Variants in MAST4 observed in about 807,000 individuals in gnomAD.
MAST4 encodes the protein microtubule associated serine/threonine kinase family member 4, also known as microtubule-associated serine/threonine-protein kinase 4.
Under a neutral mutation model 162.7 loss-of-function variants are expected in MAST4, and 89 were observed. The observed-to-expected ratio is 0.55, with a 90% CI of 0.46 to 0.65. The LOEUF is 0.65. Ranked by LOEUF, MAST4 falls within the 30% of genes least tolerant of loss-of-function variation. MAST4 has a pLI of 0.00. For synonymous variants in MAST4, 1,479 were observed against 1,361.1 expected (o/e 1.09, Z -1.91); for missense variants, 3,153 against 3,374.0 (o/e 0.93, Z 1.62).
intron 3 of MAST4, among the ~76,000 whole-genome samples, chr5:66,862,512 T>C (rs1760191957): frequency 6.6e-6 from 1 of 152,238 alleles, no homozygotes; most frequent in Non-Finnish European, 1.5e-5. Flanking sequence ...TTTGAATCGA[T>C]ATGTAATGTT....
intron 14 of MAST4, among the ~76,000 whole-genome samples, chr5:67,121,693 A>G (rs898364293): frequency 2.0e-5 from 3 of 151,424 alleles, no homozygotes; most frequent in Admixed American, 2.0e-4. Context: ...AAAAAAAATC[A>G]CAAAAAACTC....
Position 67,165,208 on chromosome 5 carries a change from A to C in MAST4, c.6029A>C (p.Asp2010Ala), listed in dbSNP as rs549978729. ...LCFPETAKTS[D>A]NSKNLLSVGR... ...TTTCCAGAAACTGCGAAAACCAGTGACAACTCCAAAAATCTCCTCTCTGTG... is the reference window on the plus strand; with the variant it reads ...TTTCCAGAAACTGCGAAAACCAGTGCCAACTCCAAAAATCTCCTCTCTGTG... Residue 2010 changes from aspartate to alanine, a missense_variant, in exon 29 of 29, where the codon GAC becomes GCC. Transcript: ENST00000403625. The C allele has an allele frequency of 1.1e-5, 18 of 1,610,932 alleles. No individual in the cohort carries two copies. The African/African-American group carries it at 2.3e-4, about 20-fold the overall frequency.
At chr5:66,776,139 G>T (rs1754590792) in intron 2 of MAST4, among the ~76,000 whole-genome samples, 1 of 152,194 alleles carries the variant, frequency 6.6e-6, no homozygotes, top group Non-Finnish European at 1.5e-5. Flanking sequence ...GGAAGTTTCT[G>T]CATAGGTTGT....
At chr5:66,619,109 C>T (rs1743909858) in intron 1 of MAST4, among the ~76,000 whole-genome samples, 2 of 152,142 alleles carry the variant, frequency 1.3e-5, no homozygotes, top group Non-Finnish European at 1.5e-5. Context: ...ACTTTTTGGT[C>T]ATTTGTTAGT....
intron 1 of MAST4, among the ~76,000 whole-genome samples, chr5:66,692,591 C>CTAGT (rs1749120869): frequency 2.0e-5 from 3 of 152,102 alleles, no homozygotes; most frequent in Non-Finnish European, 4.4e-5. Flanking sequence ...AACACTTAAG[C>CTAGT]TAGTCTGTTA....
chr5:67,130,713 AT>A (rs1452875472), intron 15 of MAST4, among the ~76,000 whole-genome samples: 15 of 152,088 alleles, frequency 9.9e-5, no homozygotes, highest in Non-Finnish European at 1.6e-4. Context: ...AGGTGATGGG[AT>A]TTTTTTCTGC....
At chr5:66,959,375 GT>G (rs1581017154) in intron 4 of MAST4, 2 of 769,828 alleles carry the variant, frequency 2.6e-6, no homozygotes, top group East Asian at 4.9e-5. Flanking sequence ...TTTAGCATTT[GT>G]TTGTACTGAC....
intron 1 of MAST4, among the ~76,000 whole-genome samples, chr5:66,642,835 T>A (rs1745576197): frequency 1.3e-5 from 2 of 152,178 alleles, no homozygotes; most frequent in South Asian, 4.1e-4. Flanking sequence ...ACACCTGGTG[T>A]TTTTCCTCTG....
At chr5:67,037,636 C>T (rs562572279) in intron 4 of MAST4, among the ~76,000 whole-genome samples, 1 of 152,214 alleles carries the variant, frequency 6.6e-6, no homozygotes, top group East Asian at 1.9e-4. Flanking sequence ...AACTCTTTCT[C>T]CTGGATGAGC....
chr5:66,998,925 G>A (rs1262372331), intron 4 of MAST4, among the ~76,000 whole-genome samples: 1 of 152,230 alleles, frequency 6.6e-6, no homozygotes, highest in Admixed American at 6.5e-5. Context: ...TCCCATGAAG[G>A]CTGCCTAAAG....
At chr5:66,899,668 C>T (rs990995899) in intron 3 of MAST4, among the ~76,000 whole-genome samples, 4 of 152,158 alleles carry the variant, frequency 2.6e-5, no homozygotes, top group Admixed American at 2.0e-4. Context: ...GTTGTAGGGC[C>T]GTGTAACTCA....
chr5:67,153,601 G>A, intron 26 of MAST4, 21 bp downstream of exon 26: 2 of 1,550,304 alleles, frequency 1.3e-6, no homozygotes, highest in East Asian at 2.4e-5. Context: ...TTTTATGTCA[G>A]GGCCATGCTG....
chr5:66,947,230 T>A (rs994292733), intron 4 of MAST4, among the ~76,000 whole-genome samples: 74 of 152,262 alleles, frequency 4.9e-4, no homozygotes, highest in African/African-American at 1.7e-3. Flanking sequence ...AAAATGAGTA[T>A]ATTTTTTCTG....
chr5:66,685,572 A>G (rs576118183), intron 1 of MAST4, among the ~76,000 whole-genome samples: 1 of 152,332 alleles, frequency 6.6e-6, no homozygotes, highest in South Asian at 2.1e-4. Context: ...TGATCAAACT[A>G]GGGAACAAAA....
chr5:66,671,252 C>G (rs1747592865), intron 1 of MAST4, among the ~76,000 whole-genome samples: 2 of 152,264 alleles, frequency 1.3e-5, no homozygotes, highest in South Asian at 4.2e-4. Flanking sequence ...TGCAGTTGCT[C>G]TAGGACATTA....
Position 67,168,736 on chromosome 5 carries a change from G to A in MAST4, c.*1685G>A, listed in dbSNP as rs149038948. 2.0e-5 allele frequency: 3 copies of A among 152,162 alleles called. No homozygotes were observed. The highest frequency in any genetic ancestry group is 3.9e-4 in the East Asian group (2 of 5,182). 9.4% of individuals were successfully genotyped at this position (152,162 alleles called of 1,614,324 possible). The stretch of plus-strand genomic sequence containing the variant: ...TTGGGGGATGTCTTAGTATCTTCAC[G>A]CTATAAAATTGTTCATCTAAGCACA... On this transcript the variant is annotated 3_prime_UTR_variant, in exon 29 of 29. Transcript: ENST00000403625.
intron 1 of MAST4, among the ~76,000 whole-genome samples, chr5:66,628,956 T>A (rs1744623716): frequency 6.6e-6 from 1 of 152,166 alleles, no homozygotes; most frequent in African/African-American, 2.4e-5. Context: ...TTGTATAATA[T>A]CTTACACTGA....
chr5:67,032,975 T>A (rs1755540508), intron 4 of MAST4, among the ~76,000 whole-genome samples: 1 of 152,128 alleles, frequency 6.6e-6, no homozygotes, highest in African/African-American at 2.4e-5. Flanking sequence ...AACACTAAGA[T>A]AATTACTTTA....
intron 4 of MAST4, among the ~76,000 whole-genome samples, chr5:67,013,353 A>T (rs1752912444): frequency 6.6e-6 from 1 of 152,154 alleles, no homozygotes; most frequent in Non-Finnish European, 1.5e-5. Flanking sequence ...ACCTAGGTGG[A>T]GGGAATGAGA....
Sources: allele counts gnomAD v4.1 joint callset (sites outside exome capture counted in the v4.1 genomes callset), GRCh38; gene constraint gnomAD v4.1.1; transcripts MANE v1.5; gene names NCBI Gene and HGNC (gene_info 2026-07-23, HGNC 2026-07-21).